ZNF248: variants seen among roughly 807,000 people sequenced by gnomAD.
The protein encoded by ZNF248 is zinc finger protein 248, also known as KRAB protein domain.
A neutral mutation model predicts 44.3 loss-of-function variants in ZNF248; 20 were observed. The ratio of observed to expected loss-of-function variants is 0.45; its 90% CI spans 0.32 to 0.66. The LOEUF is 0.66. ZNF248 is among the 30% of genes least tolerant of loss of function. The pLI, the probability that ZNF248 is intolerant of heterozygous loss-of-function variation, is 0.04. For synonymous variants in ZNF248, 224 were observed against 229.0 expected (o/e 0.98, Z 0.20); for missense variants, 654 against 677.0 (o/e 0.97, Z 0.38).
intron 6 of ZNF248, among the ~76,000 whole-genome samples, chr10:37,806,593 TTTG>T (rs1363136635): frequency 3.3e-5 from 5 of 152,156 alleles, no homozygotes; most frequent in Admixed American, 2.6e-4. Flanking sequence ...ATTTGTTCAT[TTTG>T]TTGTTGTTGA....
At chr10:37,835,181 T>TA in intron 5 of ZNF248, among the ~76,000 whole-genome samples, 1 of 152,096 alleles carries the variant, frequency 6.6e-6, no homozygotes, top group Non-Finnish European at 1.5e-5. Context: ...AACTAACAAT[T>TA]AGACTGAGTC....
chr10:37,807,959 A>G (rs2050831752), intron 6 of ZNF248, among the ~76,000 whole-genome samples: 1 of 152,138 alleles, frequency 6.6e-6, no homozygotes, highest in Non-Finnish European at 1.5e-5. Context: ...CGAGTACGAC[A>G]TTAGCTGTAT....
chr10:37,829,603 C>A lies in ZNF248; in HGVS notation c.*2012G>T. Reference sequence around the variant, plus strand: ...GGTTATAAAAAGTCCCAGTAGAGAACAGGTATAGAGAGCAGAGTAGCTCGG... The same window carrying A: ...GGTTATAAAAAGTCCCAGTAGAGAAAAGGTATAGAGAGCAGAGTAGCTCGG... On this transcript the variant is annotated 3_prime_UTR_variant, in exon 6 of 6. Transcript: ENST00000395867. 1.0e-6 allele frequency: 1 copy of A among 985,332 alleles called. No individual in the cohort carries two copies. Among genetic ancestry groups the A allele is most frequent in the Non-Finnish European group, 1.2e-6 (1 of 829,928 alleles). 61.0% of individuals were successfully genotyped at this position (985,332 alleles called of 1,614,324 possible).
rs1489643830 is a variant in ZNF248, at chr10:37,846,478, C to CA, written c.16-8368dup. The stretch of plus-strand genomic sequence containing the variant: ...ATCTGGTGGCAGGACCCTGTCTCTA[C>CA]AAAAAAAAAATTTTTTAATTGGACA... On this transcript the variant is annotated intron_variant, in intron 3 of 5. Coordinates refer to ENST00000395867, the MANE Select transcript of ZNF248 (RefSeq NM_021045.3). Among the ~76,000 whole-genome samples the CA allele has an allele frequency of 3.9e-4, 58 of 149,460 alleles. 1 individual carries two copies. The highest frequency in any genetic ancestry group is 1.3e-3 in the Admixed American group (20 of 14,996).
At chr10:37,848,972 T>A (rs2059774126) in intron 3 of ZNF248, among the ~76,000 whole-genome samples, 1 of 152,198 alleles carries the variant, frequency 6.6e-6, no homozygotes, top group Non-Finnish European at 1.5e-5. Flanking sequence ...GCATAAAGCA[T>A]ACTCACCAAG....
intron 6 of ZNF248, chr10:37,820,412 G>C: frequency 2.6e-6 from 4 of 1,532,258 alleles, no homozygotes. Flanking sequence ...TGTTGGCAGA[G>C]CAGACTGCTC....
chr10:37,825,179 G>A (rs1297431419), downstream of ZNF248, among the ~76,000 whole-genome samples: 1 of 152,006 alleles, frequency 6.6e-6, no homozygotes, highest in Non-Finnish European at 1.5e-5. Flanking sequence ...AAGAGCACAT[G>A]AACCAAGAAA....
intron 6 of ZNF248, among the ~76,000 whole-genome samples, chr10:37,798,691 A>C (rs1292098696): frequency 6.6e-6 from 1 of 152,140 alleles, no homozygotes; most frequent in Admixed American, 6.6e-5. Context: ...ACATATATAC[A>C]TGCAGGTAGG....
chr10:37,798,648 ATAT>A (rs1252605430), intron 6 of ZNF248, among the ~76,000 whole-genome samples: 3 of 152,156 alleles, frequency 2.0e-5, no homozygotes, highest in African/African-American at 7.2e-5. Context: ...GTAAAAATAT[ATAT>A]TATGTGTGGA....
intron 6 of ZNF248, among the ~76,000 whole-genome samples, chr10:37,779,209 A>C (rs1426474013): frequency 6.6e-6 from 1 of 152,114 alleles, no homozygotes; most frequent in Non-Finnish European, 1.5e-5. Context: ...GAGACACAAC[A>C]AAAAAAGAGA....
At chr10:37,821,247 T>C (rs1488723120) in intron 6 of ZNF248, among the ~76,000 whole-genome samples, 5 of 147,518 alleles carry the variant, frequency 3.4e-5, no homozygotes, top group Non-Finnish European at 7.4e-5. Context: ...GATGAATATA[T>C]TTAGGATTTC....
At chr10:37,800,572 A>G (rs906103103) in intron 6 of ZNF248, among the ~76,000 whole-genome samples, 13 of 152,290 alleles carry the variant, frequency 8.5e-5, no homozygotes, top group Middle Eastern at 3.4e-3. Context: ...TAGTGCTGCA[A>G]TGAACATATG....
chr10:37,760,339 TC>T, the ZNF248 span, among the ~76,000 whole-genome samples: 1 of 152,052 alleles, frequency 6.6e-6, no homozygotes, highest in African/African-American at 2.4e-5. Flanking sequence ...CAGGCAATCC[TC>T]CCACCTCAGC....
In ZNF248 at chr10:37,848,315, G is replaced by A. The variant is rs1387859165; in HGVS notation, c.15+7981C>T. Among the ~76,000 whole-genome samples, 3 of 152,050 alleles carry A rather than the reference G, an allele frequency of 2.0e-5. No homozygotes were observed. In the East Asian group the frequency reaches 5.8e-4, roughly 29 times the overall value. Reference sequence around the variant, plus strand: ...AAAACAGAATACAGCCAGGCACAGTGGCTCATGCCTATAATCTGAGCACTT... The same window carrying A: ...AAAACAGAATACAGCCAGGCACAGTAGCTCATGCCTATAATCTGAGCACTT... On this transcript the variant is annotated intron_variant, in intron 3 of 5. Coordinates refer to ENST00000395867, the MANE Select transcript of ZNF248 (RefSeq NM_021045.3).
intron 3 of ZNF248, among the ~76,000 whole-genome samples, chr10:37,844,950 TC>T (rs982217673): frequency 8.4e-5 from 2 of 23,798 alleles, no homozygotes; most frequent in Non-Finnish European, 1.6e-4. Context: ...CCCCCTTCCC[TC>T]CCCCCTTCCT....
chr10:37,820,620 T>C, intron 6 of ZNF248: 1 of 1,564,836 alleles, frequency 6.4e-7, no homozygotes, highest in Middle Eastern at 1.7e-4. Context: ...GCAGTGCCTT[T>C]CCCTTGGCTA....
At chr10:37,848,269 T>C (rs1049389871) in intron 3 of ZNF248, among the ~76,000 whole-genome samples, 2 of 149,584 alleles carry the variant, frequency 1.3e-5, no homozygotes, top group East Asian at 4.0e-4. Context: ...AGAACGATAC[T>C]CCCTCTCAAA....
chr10:37,818,583 T>C (rs1395383789), intron 6 of ZNF248: 1 of 418,640 alleles, frequency 2.4e-6, no homozygotes, highest in African/African-American at 2.0e-5. Flanking sequence ...GTTGAACAGT[T>C]TGTGGCCTTG....
downstream of ZNF248, among the ~76,000 whole-genome samples, chr10:37,772,951 T>C (rs181383897): frequency 2.5e-3 from 373 of 152,146 alleles, 2 homozygotes; most frequent in Middle Eastern, 0.02. Context: ...TAACACAAGC[T>C]ACATATGTAC....
Sources: gnomAD v4.1 joint callset for allele counts (sites outside exome capture counted in the v4.1 genomes callset) on GRCh38, gnomAD v4.1.1 for gene constraint, MANE v1.5 for transcripts, NCBI Gene and HGNC (gene_info 2026-07-23, HGNC 2026-07-21) for gene names.